The following PLCXD1 variants were observed in gnomAD, a reference collection of about 807,000 sequenced individuals.
PLCXD1 encodes phosphatidylinositol specific phospholipase C X domain containing 1, also known as PI-PLC X domain-containing protein 1.
PLCXD1 carries 45 observed loss-of-function variants against 37.8 expected under a neutral mutation model. That is an observed-to-expected ratio of 1.19 (90% CI 0.94 to 1.53). The LOEUF is 1.53. Ranked by LOEUF, PLCXD1 falls within the 40% of genes most tolerant of loss-of-function variation. The probability of loss-of-function intolerance (pLI) is 0.00; values close to 1 mark genes in which losing one functional copy is unlikely to be tolerated. For synonymous variants in PLCXD1, 246 were observed against 206.9 expected (o/e 1.19, Z -1.62); for missense variants, 539 against 454.7 (o/e 1.19, Z -1.69).
At chrX:279,667 T>C (rs2069220839), upstream of PLCXD1, among the ~76,000 whole-genome samples, 2 of 151,312 alleles carry the variant, frequency 1.3e-5, no homozygotes, top group South Asian at 4.2e-4. Context: ...CCAGCTGTGC[T>C]GGAGGCTGAG....
rs371974820 is a variant in PLCXD1 at position 294,263 on chromosome X, A to G, written c.733+1045A>G. ...TTCGGGAGGCCGAGGCGGGCGGATCATGAGGTCAGGAGATCGAGACCATCC... is the reference window on the plus strand; with the variant it reads ...TTCGGGAGGCCGAGGCGGGCGGATCGTGAGGTCAGGAGATCGAGACCATCC... On this transcript the variant is annotated intron_variant, in intron 6 of 6. Coordinates refer to ENST00000381657, the MANE Select transcript of PLCXD1 (RefSeq NM_018390.4). 3.6e-3 allele frequency among the ~76,000 whole-genome samples: 553 copies of G among 152,166 alleles called. 2 individuals are homozygous for G. The highest frequency in any genetic ancestry group is 0.012 in the African/African-American group (498 of 41,540).
In PLCXD1 at chrX:284,223, G is replaced by A. The variant is rs201477118; in HGVS notation, c.36G>A (p.Ser12=). Residue 12 remains serine (S), a synonymous_variant, in exon 2 of 7, where the codon TCG becomes TCA. Transcript: ENST00000381657. The part of the protein sequence containing the change: ...GGQVSASNSF[S]RLHCRNANED... The stretch of plus-strand genomic sequence containing the variant: ...AGGTGAGCGCTTCCAACAGCTTCTC[G>A]AGGCTGCACTGCAGAAATGCCAACG... The A allele has an allele frequency of 5.9e-5, 96 of 1,613,520 alleles. No individual in the cohort carries two copies. Among genetic ancestry groups the A allele is most frequent in the Non-Finnish European group, 7.8e-5 (92 of 1,179,802 alleles).
In PLCXD1 at chrX:301,904, G is replaced by C. The variant is rs1303270732; in HGVS notation, c.*2569G>C. 3.3e-5 allele frequency: 5 copies of C among 152,410 alleles called. No individual in the cohort carries two copies. Among genetic ancestry groups the C allele is most frequent in the African/African-American group, 1.2e-4 (5 of 41,478 alleles). The allele number at this position is 152,410 out of a possible 1,614,324, so 9.4% of individuals were successfully genotyped here. A position where few individuals can be genotyped will look rare whatever the true frequency, so the allele number is the denominator to read the frequency against. Reference sequence around the variant, plus strand: ...GCCTCCCAAAGTGCTGGGATCACAGGCGTGAGCCACCGCACCTGGCCTCAA... The same window carrying C: ...GCCTCCCAAAGTGCTGGGATCACAGCCGTGAGCCACCGCACCTGGCCTCAA... On this transcript the variant is annotated 3_prime_UTR_variant, in exon 7 of 7. Coordinates refer to ENST00000381657, the MANE Select transcript of PLCXD1 (RefSeq NM_018390.4).
intron 6 of PLCXD1, among the ~76,000 whole-genome samples, chrX:293,547 G>T (rs1329024418): frequency 1.3e-5 from 2 of 152,140 alleles, no homozygotes; most frequent in Non-Finnish European, 2.9e-5. Context: ...ATCACCTGAG[G>T]TCGGGAGTTC....
chrX:290,496 A>T, intron 3 of PLCXD1, 152 bp from the exon 4 acceptor site: 1 of 709,472 alleles, frequency 1.4e-6, no homozygotes, highest in African/African-American at 1.8e-5. Flanking sequence ...CCGTGGCTGC[A>T]GCGCTCCCAG....
chrX:291,672 ATCCGCACGTCTC>A lies in PLCXD1; in HGVS notation c.549+22_549+33del. ...CTCGTGGGGTGAGGAGGGGAAGGAT[ATCCGCACGTCTC>A]TCCCGGGGCAGGGGCATCGTCAGCC... On this transcript the variant is annotated intron_variant, in intron 5 of 6. Coordinates refer to ENST00000381657, the MANE Select transcript of PLCXD1 (RefSeq NM_018390.4). The A allele has an allele frequency of 6.2e-7, 1 of 1,611,376 alleles. No homozygotes were observed. The highest frequency in any genetic ancestry group is 8.5e-7 in the Non-Finnish European group (1 of 1,179,100).
chrX:291,677 C>G (rs2069641404), intron 5 of PLCXD1, 23 bp downstream of exon 5: 1 of 1,610,648 alleles, frequency 6.2e-7, no homozygotes, highest in Admixed American at 1.7e-5. Context: ...AGGATATCCG[C>G]ACGTCTCTCC....
rs1401030012 is a variant in PLCXD1, at chrX:303,098, T to C, written c.*3763T>C. On this transcript the variant is annotated 3_prime_UTR_variant, in exon 7 of 7. Coordinates refer to ENST00000381657, the MANE Select transcript of PLCXD1 (RefSeq NM_018390.4). ...GACTCATTTTCCAAAAATCCGCTTC[T>C]ACTTTTGGTACCCGGTTGCTACGGT... The C allele has an allele frequency of 6.6e-6, 1 of 152,218 alleles. No homozygotes were observed. Among genetic ancestry groups the C allele is most frequent in the Non-Finnish European group, 1.5e-5 (1 of 68,040 alleles). 9.4% of individuals were successfully genotyped at this position (152,218 alleles called of 1,614,324 possible).
In PLCXD1 at chrX:289,510, C is replaced by CTTTT. The variant is rs1281823641; in HGVS notation, c.264+643_264+646dup. ...AGAGACAACACCTTTCTTTTTCTTT[C>CTTTT]TTTTTCTTTTTTTTTTTTTTGAGAC... On this transcript the variant is annotated intron_variant, in intron 3 of 6. Transcript: ENST00000381657. Among the ~76,000 whole-genome samples the CTTTT allele has an allele frequency of 4.0e-3, 389 of 97,588 alleles. 25 individuals are homozygous for CTTTT. Among genetic ancestry groups the CTTTT allele is most frequent in the South Asian group, 8.9e-3 (34 of 3,820 alleles). 64.0% of individuals were successfully genotyped at this position (97,588 alleles called of 152,430 possible). A position where few individuals can be genotyped will look rare whatever the true frequency, so the allele number is the denominator to read the frequency against.
intron 6 of PLCXD1, among the ~76,000 whole-genome samples, chrX:295,834 T>C (rs1014015367): frequency 2.0e-5 from 3 of 148,046 alleles, no homozygotes; most frequent in African/African-American, 7.5e-5. Context: ...GCGGAAAATT[T>C]TTTTGTTTGT....
At chrX:291,780 G>T (rs181804872) in intron 5 of PLCXD1, 126 bp downstream of exon 5, 8 of 1,054,850 alleles carry the variant, frequency 7.6e-6, no homozygotes, top group African/African-American at 1.5e-5. Context: ...GCCGTCGAAC[G>T]GGGGCTGCCT....
chrX:284,783 A>T (rs955449800), intron 2 of PLCXD1, among the ~76,000 whole-genome samples: 11 of 152,064 alleles, frequency 7.2e-5, no homozygotes, highest in Non-Finnish European at 1.6e-4. Flanking sequence ...ACTCAGTTCC[A>T]CCTGGCTGGG....
In PLCXD1 at chrX:299,794, G is replaced by A. The variant is rs1160320268; in HGVS notation, c.*459G>A. 11 of 179,844 alleles carry A rather than the reference G, an allele frequency of 6.1e-5. No homozygotes were observed. Among genetic ancestry groups the A allele is most frequent in the African/African-American group, 1.2e-4 (5 of 41,126 alleles). The allele number at this position is 179,844 out of a possible 1,614,324, so 11.1% of individuals were successfully genotyped here. A position where few individuals can be genotyped will look rare whatever the true frequency, so the allele number is the denominator to read the frequency against. On this transcript the variant is annotated 3_prime_UTR_variant, in exon 7 of 7. Coordinates refer to ENST00000381657, the MANE Select transcript of PLCXD1 (RefSeq NM_018390.4). ...AACAGCCGAGTGTGCAGTGACTCAC[G>A]CCTGTCATCCCAGCACTTTGGGAGG...
chrX:298,343 TTCTG>T (rs1380229270), intron 6 of PLCXD1, among the ~76,000 whole-genome samples: 4 of 10,638 alleles, frequency 3.8e-4, no homozygotes, highest in Admixed American at 8.0e-4. Context: ...GGGGCCATTA[TTCTG>T]TCTATCACAT....
chrX:299,227 C>G lies in PLCXD1; in HGVS notation c.864C>G (p.Cys288Trp), dbSNP rs749994622. The change falls in exon 7 of 7, where the codon TGC becomes TGG. Residue 288 changes from cysteine to tryptophan, a missense_variant. Cys to Trp is a radical substitution (Grantham distance 215). Transcript: ENST00000381657. ...PRLSAWVREQ[C>W]PGPGSRCTNI... ...TGAGCGCGTGGGTCCGAGAGCAGTG[C>G]CCGGGGCCGGGTTCACGGTGCACCA... The G allele has an allele frequency of 2.7e-5, 43 of 1,613,802 alleles. No homozygotes were observed. In the East Asian group the frequency reaches 9.6e-4, roughly 36 times the overall value.
In PLCXD1 at chrX:281,681, C is replaced by G. The variant is rs1452610345; in HGVS notation, c.-25C>G. ...CCGAACTCCCCCTGCGTGTGGGACT[C>G]AAGGTGGGTTTGCAGTTTGCAGGCA... is the stretch of plus-strand genomic sequence containing the variant. On this transcript the variant is annotated 5_prime_UTR_variant, in exon 1 of 7. Coordinates refer to ENST00000381657, the MANE Select transcript of PLCXD1 (RefSeq NM_018390.4). 6.6e-6 allele frequency: 1 copy of G among 152,166 alleles called. No individual in the cohort carries two copies. The highest frequency in any genetic ancestry group is 1.5e-5 in the Non-Finnish European group (1 of 68,044). The allele number at this position is 152,166 out of a possible 1,614,324, so 9.4% of individuals were successfully genotyped here. A position where few individuals can be genotyped will look rare whatever the true frequency, so the allele number is the denominator to read the frequency against.
At chrX:286,672 A>G (rs1033314164) in intron 2 of PLCXD1, among the ~76,000 whole-genome samples, 1 of 152,174 alleles carries the variant, frequency 6.6e-6, no homozygotes, top group Non-Finnish European at 1.5e-5. Context: ...CTAACAGAAC[A>G]GAAAGTTTTG....
Position 301,334 on chromosome X carries a change from T to C in PLCXD1, c.*1999T>C, listed in dbSNP as rs2070009735. The C allele has an allele frequency of 6.6e-6, 1 of 151,506 alleles. No individual in the cohort carries two copies. Among genetic ancestry groups the C allele is most frequent in the Admixed American group, 6.6e-5 (1 of 15,186 alleles). The allele number at this position is 151,506 out of a possible 1,614,324, so 9.4% of individuals were successfully genotyped here. ...GTAATTTTATTTTTTTGTAGAGACG[T>C]GGTCTGGCTATGTTGTCCAGGGTGG... is the stretch of plus-strand genomic sequence containing the variant. On this transcript the variant is annotated 3_prime_UTR_variant, in exon 7 of 7. Coordinates refer to ENST00000381657, the MANE Select transcript of PLCXD1 (RefSeq NM_018390.4).
chrX:291,125 C>T lies in PLCXD1; in HGVS notation c.393+349C>T, dbSNP rs760169711. 4.0e-5 allele frequency among the ~76,000 whole-genome samples: 6 copies of T among 151,664 alleles called. No individual in the cohort carries two copies. The South Asian group carries it at 6.2e-4, about 16-fold the overall frequency. The stretch of plus-strand genomic sequence containing the variant: ...ACAGGAGACACTGACCCCGCCAATC[C>T]GTTACGGAGATTTCTTTTTTTTTTG... On this transcript the variant is annotated intron_variant, in intron 4 of 6. Coordinates refer to ENST00000381657, the MANE Select transcript of PLCXD1 (RefSeq NM_018390.4).
Sources: gnomAD v4.1 joint callset for allele counts (sites outside exome capture counted in the v4.1 genomes callset) on GRCh38, gnomAD v4.1.1 for gene constraint, MANE v1.5 for transcripts, NCBI Gene and HGNC (gene_info 2026-07-23, HGNC 2026-07-21) for gene names.